Variants in LONRF1 observed in about 807,000 individuals in gnomAD.
LONRF1 encodes the protein LON peptidase N-terminal domain and ring finger 1.
Under a neutral mutation model 85.8 loss-of-function variants are expected in LONRF1, and 37 were observed. That is an observed-to-expected ratio of 0.43 (90% CI 0.33 to 0.57). LONRF1 has a LOEUF of 0.57. Among genes scored for constraint, LONRF1 ranks in the 20% least tolerant of loss-of-function variants. LONRF1 has a pLI of 0.04. For synonymous variants in LONRF1, 517 were observed against 390.1 expected, an observed-to-expected ratio of 1.33 and a Z score of -3.83; for missense variants, 1,036 against 978.0, an observed-to-expected ratio of 1.06 and a Z score of -0.79.
chr8:12,755,115 C>A lies in LONRF1; in HGVS notation c.306G>T (p.Gly102=), dbSNP rs971720253. 2.1e-6 allele frequency: 3 copies of A among 1,459,716 alleles called. No individual in the cohort carries two copies. Among genetic ancestry groups the A allele is most frequent in the African/African-American group, 2.9e-5 (2 of 67,942 alleles). The allele number at this position is 1,459,716 out of a possible 1,614,324, so 90.4% of individuals were successfully genotyped here. The part of the protein sequence containing the change: ...CLVFNYRLRH[G]LGWSAAPVAG... ...CAACCGGGGCCGCGCTCCAGCCCAG[C>A]CCGTGGCGGAGCCGGTAGTTGAACA... Residue 102 remains glycine, a synonymous_variant, in exon 1 of 12, where the codon GGG becomes GGT. Transcript: ENST00000398246.
At position 12,754,961 on chromosome 8, in the gene LONRF1, G is replaced by T; in HGVS notation, c.460C>A (p.Arg154Ser). 1 of 1,489,870 alleles carries T rather than the reference G, an allele frequency of 6.7e-7. No homozygotes were observed. 92.3% of individuals were successfully genotyped at this position (1,489,870 alleles called of 1,614,324 possible). Residue 154 changes from arginine to serine, a missense_variant, in exon 1 of 12, where the codon CGC (arginine) becomes AGC (serine). This residue lies in a region of LONRF1 where 742 missense variants were observed against 614.4 expected (regional missense o/e 1.21). Coordinates refer to ENST00000398246, the MANE Select transcript of LONRF1 (RefSeq NM_152271.5). ...RRCLRRELRA[R>S]CRLCRDRLPP... ...AGCCGGTCCCGGCAGAGGCGGCAGC[G>T]GGCGCGGAGTTCCCTCCGCAGGCAG...
chr8:12,732,004 G>T, intron 7 of LONRF1, 147 bp from the exon 8 acceptor site: 1 of 777,032 alleles, frequency 1.3e-6, no homozygotes, highest in Non-Finnish European at 2.0e-6. Flanking sequence ...TACAATGGAT[G>T]ATGCTAAGCA....
chr8:12,741,305 A>T lies in LONRF1; in HGVS notation c.841-309T>A, dbSNP rs138811277. On this transcript the variant is annotated intron_variant, in intron 2 of 11. Coordinates refer to ENST00000398246, the MANE Select transcript of LONRF1 (RefSeq NM_152271.5). ...AGGCTAAGGCATGAAAATCACTTGA[A>T]TATGGGAGGTGGAGGTTGCAGTGAG... 4.5e-3 allele frequency among the ~76,000 whole-genome samples: 692 copies of T among 152,336 alleles called. 11 individuals carry two copies. In the South Asian group the frequency reaches 0.064, roughly 14 times the overall value.
chr8:12,740,604 A>C (rs1247930692), intron 3 of LONRF1, among the ~76,000 whole-genome samples: 2 of 152,192 alleles, frequency 1.3e-5, no homozygotes, highest in Non-Finnish European at 2.9e-5. Context: ...TGCTTAATTA[A>C]GGACCATCAG....
chr8:12,749,165 A>G (rs547903150), intron 1 of LONRF1, among the ~76,000 whole-genome samples: 23 of 152,348 alleles, frequency 1.5e-4, no homozygotes, highest in African/African-American at 4.8e-4. Context: ...AAATATCTCA[A>G]AACAAAGTGA....
At chr8:12,754,483 A>T in intron 1 of LONRF1, 3 of 442,732 alleles carry the variant, frequency 6.8e-6, no homozygotes, top group Non-Finnish European at 7.1e-6. Flanking sequence ...GCGCCGCGTC[A>T]CAGTCGGCTC....
chr8:12,735,954 A>C (rs542458904), intron 6 of LONRF1, among the ~76,000 whole-genome samples: 1 of 152,326 alleles, frequency 6.6e-6, no homozygotes, highest in African/African-American at 2.4e-5. Flanking sequence ...TGTATTATTC[A>C]AACATTACAG....
At chr8:12,724,571 T>G (rs1232864449) in intron 11 of LONRF1, among the ~76,000 whole-genome samples, 2 of 152,148 alleles carry the variant, frequency 1.3e-5, no homozygotes, top group African/African-American at 4.8e-5. Context: ...GTGGTTGCTT[T>G]TGCTTTCCTG....
intron 6 of LONRF1, among the ~76,000 whole-genome samples, chr8:12,736,335 T>C (rs952220707): frequency 1.3e-5 from 2 of 152,320 alleles, no homozygotes; most frequent in African/African-American, 2.4e-5. Context: ...AAAATACTAA[T>C]TAGAATTCAT....
intron 7 of LONRF1, 143 bp downstream of exon 7, chr8:12,735,143 G>T: frequency 3.3e-6 from 2 of 599,192 alleles, no homozygotes; most frequent in Non-Finnish European, 5.8e-6. Context: ...TAGCATATGG[G>T]TAATAAAACA....
rs777861494 is a variant in LONRF1 at position 12,738,105 on chromosome 8, C to G, written c.1003G>C (p.Gly335Arg). 3 of 1,599,422 alleles carry G rather than the reference C, an allele frequency of 1.9e-6. No homozygotes were observed. The highest frequency in any genetic ancestry group is 2.6e-6 in the Non-Finnish European group (3 of 1,171,488). The change falls in exon 4 of 12, where the codon GGC (glycine) becomes CGC (arginine). Residue 335 changes from glycine to arginine, a missense_variant. By Grantham distance (125) the Gly-to-Arg change is moderately radical. Around this residue, in one of 3 missense-constraint regions of LONRF1, gnomAD observed 742 missense variants for 614.4 expected, o/e 1.21. Transcript: ENST00000398246. ...DLLLPENLKE[G>R]LKESSWSSLP... Reference sequence around the variant, plus strand: ...GAACTCCAGGAAGATTCCTTCAGGCCTTCTTTTAAGTTTTCAGGTAATAAT... The same window carrying G: ...GAACTCCAGGAAGATTCCTTCAGGCGTTCTTTTAAGTTTTCAGGTAATAAT...
Position 12,745,390 on chromosome 8 carries a change from A to T in LONRF1, c.722-2108T>A, listed in dbSNP as rs375772383. Reference sequence around the variant, plus strand: ...TCAAACTTCCAATACTTTTAAAAAAAGATTAGGACCATCACACTGATCTCA... The same window carrying T: ...TCAAACTTCCAATACTTTTAAAAAATGATTAGGACCATCACACTGATCTCA... On this transcript the variant is annotated intron_variant, in intron 1 of 11. Transcript: ENST00000398246. Among the ~76,000 whole-genome samples the T allele has an allele frequency of 8.6e-4, 56 of 65,028 alleles. 1 individual carries two copies. The South Asian group carries it at 0.024, about 27-fold the overall frequency. The allele number at this position is 65,028 out of a possible 152,430, so 42.7% of individuals were successfully genotyped here. A position where few individuals can be genotyped will look rare whatever the true frequency, so the allele number is the denominator to read the frequency against.
At chr8:12,751,301 T>TTTTTTGTTTGTTTTTTG (rs1460930981) in intron 1 of LONRF1, among the ~76,000 whole-genome samples, 9 of 89,290 alleles carry the variant, frequency 1.0e-4, no homozygotes, top group African/African-American at 3.3e-4. Context: ...TTTATGTTTT[T>TTTTTTGTTTGTTTTTTG]TTTTTTTTTT....
intron 6 of LONRF1, 74 bp from the exon 7 acceptor site, chr8:12,735,474 A>T: frequency 1.1e-6 from 1 of 914,128 alleles, no homozygotes; most frequent in Non-Finnish European, 1.8e-6. Context: ...CTTTAGAACC[A>T]TAACACTAAT....
chr8:12,731,490 A>T (rs1389244025), intron 8 of LONRF1, among the ~76,000 whole-genome samples: 1 of 151,804 alleles, frequency 6.6e-6, no homozygotes, highest in African/African-American at 2.4e-5. Flanking sequence ...ATGGCACTGT[A>T]GGAAATTCCT....
At chr8:12,747,889 C>G (rs761450633) in intron 1 of LONRF1, among the ~76,000 whole-genome samples, 1 of 152,072 alleles carries the variant, frequency 6.6e-6, no homozygotes, top group Non-Finnish European at 1.5e-5. Flanking sequence ...GCAGGTCAGT[C>G]TAAAACAAAC....
chr8:12,750,442 G>C (rs904480233), intron 1 of LONRF1, among the ~76,000 whole-genome samples: 1 of 152,150 alleles, frequency 6.6e-6, no homozygotes, highest in Non-Finnish European at 1.5e-5. Flanking sequence ...ATTAGGTGTA[G>C]TAAGACATTA....
intron 10 of LONRF1, among the ~76,000 whole-genome samples, chr8:12,726,431 A>T (rs1798307015): frequency 6.6e-6 from 1 of 152,206 alleles, no homozygotes; most frequent in Non-Finnish European, 1.5e-5. Context: ...CCAGTATGTC[A>T]GAGAGTCAAT....
intron 1 of LONRF1, among the ~76,000 whole-genome samples, chr8:12,748,421 T>C (rs1799250987): frequency 1.3e-5 from 2 of 152,164 alleles, no homozygotes; most frequent in East Asian, 1.9e-4. Context: ...GGTCTCAAAC[T>C]CTTGGGCTCA....
Sources: allele counts gnomAD v4.1 joint callset (sites outside exome capture counted in the v4.1 genomes callset), GRCh38; gene constraint gnomAD v4.1.1; regional missense constraint gnomAD v4.1.1; transcripts MANE v1.5; gene names NCBI Gene and HGNC (gene_info 2026-07-23, HGNC 2026-07-21).